The following COL15A1 variants were observed in gnomAD, a reference collection of about 807,000 sequenced individuals.
The protein encoded by COL15A1 is collagen alpha-1(XV) chain.
COL15A1 carries 111 observed loss-of-function variants against 165.9 expected under a neutral mutation model. That is an observed-to-expected ratio of 0.67 (90% CI 0.57 to 0.78). COL15A1 has a LOEUF of 0.78. Among genes scored for constraint, COL15A1 ranks in the 30% least tolerant of loss-of-function variants. The pLI is 0.00. For missense variants in COL15A1, 1,745 were observed against 1,789.7 expected, an observed-to-expected ratio of 0.98 and a Z score of 0.45; for synonymous variants, 659 against 674.8, an observed-to-expected ratio of 0.98 and a Z score of 0.36.
rs187342425 is a variant in COL15A1, at chr9:99,068,807, G to A, written c.3953+137G>A. 3.3e-3 allele frequency: 1,862 copies of A among 569,322 alleles called. 14 individuals are homozygous for A. Among genetic ancestry groups the A allele is most frequent in the Non-Finnish European group, 2.9e-3 (944 of 327,018 alleles). 35.3% of individuals were successfully genotyped at this position (569,322 alleles called of 1,614,324 possible). ...CACAGTGAGGCAACTGAGGGCCTCA[G>A]AGAAAGCCTTGTCCTTGGAGTCAGA... On this transcript the variant is annotated intron_variant, in intron 41 of 41. Coordinates refer to ENST00000375001, the MANE Select transcript of COL15A1 (RefSeq NM_001855.5).
intron 35 of COL15A1, among the ~76,000 whole-genome samples, chr9:99,056,692 C>T (rs1399334065): frequency 6.6e-6 from 1 of 152,138 alleles, no homozygotes; most frequent in East Asian, 1.9e-4. Context: ...TACCAATTAG[C>T]AGTTGTTCTC....
intron 35 of COL15A1, 114 bp from the exon 36 acceptor site, chr9:99,059,775 C>A: frequency 8.6e-7 from 1 of 1,163,280 alleles, no homozygotes; most frequent in Non-Finnish European, 1.2e-6. Context: ...AGTTGGGATG[C>A]TTTGTGGCGC....
chr9:98,990,460 T>G (rs1275971765), intron 5 of COL15A1, among the ~76,000 whole-genome samples: 1 of 152,190 alleles, frequency 6.6e-6, no homozygotes, highest in African/African-American at 2.4e-5. Flanking sequence ...TTGGGTGGTG[T>G]GGCTATCCTG....
rs544531107 is a variant in COL15A1 at position 99,070,703 on chromosome 9, A to G, written c.*817A>G. ...CAGGTTCATAGAGATGAATTTTCTG[A>G]GAAACATATATCTACATGTTGTATA... On this transcript the variant is annotated 3_prime_UTR_variant, in exon 42 of 42. Coordinates refer to ENST00000375001, the MANE Select transcript of COL15A1 (RefSeq NM_001855.5). 4.6e-6 allele frequency: 2 copies of G among 435,416 alleles called. No individual in the cohort carries two copies. The highest frequency in any genetic ancestry group is 4.1e-5 in the African/African-American group (2 of 49,122). The allele number at this position is 435,416 out of a possible 1,614,324, so 27.0% of individuals were successfully genotyped here. A position where few individuals can be genotyped will look rare whatever the true frequency, so the allele number is the denominator to read the frequency against.
At chr9:99,067,917 G>A (rs4742756) in intron 40 of COL15A1, among the ~76,000 whole-genome samples, 38,893 of 152,042 alleles carry the variant, frequency 0.26, 5,500 homozygotes, top group East Asian at 0.6. Flanking sequence ...CAAATTTGAA[G>A]CTTAGTATGT....
At chr9:99,018,096 T>C (rs1838967714) in intron 11 of COL15A1, among the ~76,000 whole-genome samples, 1 of 152,200 alleles carries the variant, frequency 6.6e-6, no homozygotes, top group Non-Finnish European at 1.5e-5. Flanking sequence ...TACCTTTGTT[T>C]TGGTCATAGC....
intron 2 of COL15A1, among the ~76,000 whole-genome samples, chr9:98,979,420 C>T (rs1461062784): frequency 6.6e-6 from 1 of 152,182 alleles, no homozygotes; most frequent in African/African-American, 2.4e-5. Context: ...GGTATCCCTT[C>T]GTAATCTTAA....
Position 99,067,082 on chromosome 9 carries a change from G to T in COL15A1, c.3837+15G>T. ...TGAACCTCAAGGTAAAAATAAATATGGTTCCCATTGCCTTCTGCATGCATT... is the reference window on the plus strand; with the variant it reads ...TGAACCTCAAGGTAAAAATAAATATTGTTCCCATTGCCTTCTGCATGCATT... On this transcript the variant is annotated intron_variant, in intron 40 of 41. Transcript: ENST00000375001. 1 of 1,606,316 alleles carries T rather than the reference G, an allele frequency of 6.2e-7. No homozygotes were observed.
At position 99,015,481 on chromosome 9, in the gene COL15A1, T is replaced by A; in HGVS notation, c.1418T>A (p.Phe473Tyr). ...GCAACCGAAGTGTCCCTCAGTACTT[T>A]TGAGGATGAGGAAGCCAGTGGGGTC... ...AAATEVSLST[F>Y]EDEEASGVPT... The change falls in exon 10 of 42, where the codon TTT becomes TAT. Residue 473 changes from phenylalanine to tyrosine, a missense_variant. Coordinates refer to ENST00000375001, the MANE Select transcript of COL15A1 (RefSeq NM_001855.5). The A allele has an allele frequency of 6.2e-7, 1 of 1,608,394 alleles. No homozygotes were observed. The highest frequency in any genetic ancestry group is 8.5e-7 in the Non-Finnish European group (1 of 1,175,122).
At position 99,024,268 on chromosome 9, in the gene COL15A1, G is replaced by GTTTTTTTTTTTTTTTTTTTTT. The variant is rs201734908; in HGVS notation, c.1855-598_1855-597insTTTTTTTTTTTTTTTTTTTTT. On this transcript the variant is annotated intron_variant, in intron 14 of 41. Coordinates refer to ENST00000375001, the MANE Select transcript of COL15A1 (RefSeq NM_001855.5). Reference sequence around the variant, plus strand: ...TAAAAACAAGGCTACACCACAAGCAGTTTTTTTTGTTTTTTTGTTTTTTTT... The same window carrying GTTTTTTTTTTTTTTTTTTTTT: ...TAAAAACAAGGCTACACCACAAGCAGTTTTTTTTTTTTTTTTTTTTTTTTTTTTTGTTTTTTTGTTTTTTTT... Among the ~76,000 whole-genome samples, 571 of 131,324 alleles carry GTTTTTTTTTTTTTTTTTTTTT rather than the reference G, an allele frequency of 4.3e-3. 40 individuals carry two copies. Among genetic ancestry groups the GTTTTTTTTTTTTTTTTTTTTT allele is most frequent in the South Asian group, 7.1e-3 (29 of 4,112 alleles). 86.2% of individuals were successfully genotyped at this position (131,324 alleles called of 152,430 possible).
At chr9:99,036,081 A>C in intron 19 of COL15A1, 89 bp from the exon 20 acceptor site, 4 of 1,100,018 alleles carry the variant, frequency 3.6e-6, no homozygotes, top group Non-Finnish European at 5.5e-6. Flanking sequence ...AAATAAGCAT[A>C]AAAGCTTAGG....
At chr9:98,993,445 C>T (rs1004908416) in intron 5 of COL15A1, among the ~76,000 whole-genome samples, 4 of 152,298 alleles carry the variant, frequency 2.6e-5, no homozygotes, top group South Asian at 4.1e-4. Context: ...GGCTGTGCCT[C>T]GAGGCCTGAT....
chr9:98,980,036 T>C (rs1838210080), intron 2 of COL15A1, among the ~76,000 whole-genome samples: 1 of 152,112 alleles, frequency 6.6e-6, no homozygotes, highest in South Asian at 2.1e-4. Flanking sequence ...TGCATGCCTG[T>C]AGCCCCAGAC....
At chr9:98,991,125 G>A (rs753379786) in intron 5 of COL15A1, among the ~76,000 whole-genome samples, 14 of 152,182 alleles carry the variant, frequency 9.2e-5, no homozygotes, top group Admixed American at 7.9e-4. Context: ...AGCTCATAAA[G>A]TCAGTGCGGA....
chr9:98,975,785 C>T (rs1838132144), intron 2 of COL15A1, among the ~76,000 whole-genome samples: 1 of 152,244 alleles, frequency 6.6e-6, no homozygotes, highest in African/African-American at 2.4e-5. Flanking sequence ...TCCTTCACAG[C>T]ATCCCCTTGG....
rs1050400322 is a variant in COL15A1, at chr9:99,013,263, G to A, written c.1354-2154G>A. The stretch of plus-strand genomic sequence containing the variant: ...AAACTAATTTTGTTGGGGGTTCCCT[G>A]TAGGGTTGCTGCATGTCATGGGGGG... On this transcript the variant is annotated intron_variant, in intron 9 of 41. Coordinates refer to ENST00000375001, the MANE Select transcript of COL15A1 (RefSeq NM_001855.5). Among the ~76,000 whole-genome samples the A allele has an allele frequency of 4.6e-5, 7 of 152,194 alleles. No homozygotes were observed. In the East Asian group the frequency reaches 1.4e-3, roughly 29 times the overall value.
At chr9:99,050,021 A>G (rs913788004) in intron 30 of COL15A1, 126 bp downstream of exon 30, 1 of 1,312,686 alleles carries the variant, frequency 7.6e-7, no homozygotes, top group Non-Finnish European at 1.1e-6. Context: ...CTGTCCCCTA[A>G]GTGTAGACCC....
chr9:99,018,063 G>A (rs978240269), intron 11 of COL15A1, among the ~76,000 whole-genome samples: 4 of 152,182 alleles, frequency 2.6e-5, no homozygotes, highest in Admixed American at 6.5e-5. Context: ...AATTCAATGT[G>A]TATGGCTGAT....
At chr9:99,042,721 C>T (rs1839429513) in intron 24 of COL15A1, among the ~76,000 whole-genome samples, 1 of 152,296 alleles carries the variant, frequency 6.6e-6, no homozygotes, top group South Asian at 2.1e-4. Context: ...CAGTCTTGGT[C>T]CAAAGTCTCT....
Sources: gnomAD v4.1 joint callset for allele counts (sites outside exome capture counted in the v4.1 genomes callset) on GRCh38, gnomAD v4.1.1 for gene constraint, MANE v1.5 for transcripts, NCBI Gene and HGNC (gene_info 2026-07-23, HGNC 2026-07-21) for gene names.